Variants in TIAM1 observed in about 807,000 individuals in gnomAD.
TIAM1 encodes rho guanine nucleotide exchange factor TIAM1.
In TIAM1, 65 loss-of-function variants were observed where a neutral mutation model predicts 163.5. The ratio of observed to expected loss-of-function variants is 0.40; its 90% CI spans 0.33 to 0.49. TIAM1 has a LOEUF of 0.49. TIAM1 is among the 20% of genes least tolerant of loss of function. The probability of loss-of-function intolerance (pLI) is 0.77; values close to 1 mark genes in which losing one functional copy is unlikely to be tolerated. For synonymous variants in TIAM1, 833 were observed against 810.1 expected (o/e 1.03, Z -0.48); for missense variants, 1,789 against 2,044.7 (o/e 0.87, Z 2.41).
chr21:31,416,213 C>T (rs1282093657), intron 2 of TIAM1, among the ~76,000 whole-genome samples: 2 of 152,210 alleles, frequency 1.3e-5, no homozygotes, highest in Non-Finnish European at 2.9e-5. Flanking sequence ...GCACCTTCAA[C>T]ACTCCACCAT....
intron 2 of TIAM1, among the ~76,000 whole-genome samples, chr21:31,454,312 G>T (rs2045002902): frequency 6.6e-6 from 1 of 152,154 alleles, no homozygotes; most frequent in African/African-American, 2.4e-5. Flanking sequence ...CAATGAGATT[G>T]GTCTACATGT....
intron 2 of TIAM1, among the ~76,000 whole-genome samples, chr21:31,446,172 C>T (rs2044616345): frequency 6.6e-6 from 1 of 152,192 alleles, no homozygotes; most frequent in African/African-American, 2.4e-5. Flanking sequence ...AACTCCTGAC[C>T]TCAGGTGATC....
At chr21:31,199,587 G>C (rs1196206276) in intron 12 of TIAM1, among the ~76,000 whole-genome samples, 1 of 150,726 alleles carries the variant, frequency 6.6e-6, no homozygotes, top group African/African-American at 2.4e-5. Flanking sequence ...CTGGAGTGCA[G>C]TGGCACGATA....
At chr21:31,268,100 C>A (rs570500465) in intron 3 of TIAM1, among the ~76,000 whole-genome samples, 1 of 152,098 alleles carries the variant, frequency 6.6e-6, no homozygotes, top group South Asian at 2.1e-4. Flanking sequence ...ATGAAAATAG[C>A]TGGAAAGGAA....
intron 1 of TIAM1, among the ~76,000 whole-genome samples, chr21:31,557,292 G>A (rs1013716280): frequency 6.6e-6 from 1 of 152,172 alleles, no homozygotes; most frequent in Admixed American, 6.5e-5. Flanking sequence ...TTGGGGCTGG[G>A]GGAGTGAAGA....
chr21:31,225,997 C>A, intron 6 of TIAM1, 47 bp from the exon 7 acceptor site: 1 of 1,558,524 alleles, frequency 6.4e-7, no homozygotes, highest in Non-Finnish European at 8.8e-7. Flanking sequence ...CTCTTAGGAA[C>A]TTAAGAGAAA....
At chr21:31,283,294 C>A (rs1271672779) in intron 2 of TIAM1, among the ~76,000 whole-genome samples, 51 of 152,164 alleles carry the variant, frequency 3.4e-4, no homozygotes, top group Non-Finnish European at 1.5e-5. Context: ...TCACTTCCTG[C>A]AAAGCTTCCT....
At chr21:31,274,996 C>T (rs1027063519) in intron 3 of TIAM1, among the ~76,000 whole-genome samples, 1 of 151,642 alleles carries the variant, frequency 6.6e-6, no homozygotes, top group African/African-American at 2.4e-5. Context: ...GGCAGGGGTG[C>T]CTGTAATCCC....
chr21:31,278,364 G>A (rs1420624507), intron 2 of TIAM1, among the ~76,000 whole-genome samples: 1 of 152,222 alleles, frequency 6.6e-6, no homozygotes, highest in Non-Finnish European at 1.5e-5. Context: ...GGTTAATGGG[G>A]TTGTTTTATT....
intron 2 of TIAM1, among the ~76,000 whole-genome samples, chr21:31,438,319 G>A (rs1362784420): frequency 1.3e-5 from 2 of 149,064 alleles, no homozygotes; most frequent in Non-Finnish European, 3.0e-5. Flanking sequence ...AGCCTCCCAA[G>A]TAGCTGGGAT....
intron 19 of TIAM1, among the ~76,000 whole-genome samples, chr21:31,148,535 TAC>T (rs2083238909): frequency 6.6e-6 from 1 of 152,168 alleles, no homozygotes; most frequent in Admixed American, 6.5e-5. Flanking sequence ...AATGAACTAA[TAC>T]AGAGTCATAC....
intron 2 of TIAM1, among the ~76,000 whole-genome samples, chr21:31,438,676 TAC>T (rs2044309059): frequency 6.6e-6 from 1 of 152,222 alleles, no homozygotes; most frequent in African/African-American, 2.4e-5. Context: ...TCCCACTTCT[TAC>T]TACCAACTAC....
intron 2 of TIAM1, among the ~76,000 whole-genome samples, chr21:31,427,360 G>A (rs1366002218): frequency 2.0e-5 from 3 of 151,976 alleles, no homozygotes; most frequent in African/African-American, 4.8e-5. Context: ...GGTGGTGGGC[G>A]CCTGTAGTCC....
intron 1 of TIAM1, among the ~76,000 whole-genome samples, chr21:31,466,172 T>A (rs980194412): frequency 6.6e-6 from 1 of 152,146 alleles, no homozygotes; most frequent in Non-Finnish European, 1.5e-5. Context: ...GGTGTCAAGG[T>A]CATTGCAATA....
chr21:31,226,971 T>TG (rs1171007514), intron 6 of TIAM1, among the ~76,000 whole-genome samples: 1 of 146,850 alleles, frequency 6.8e-6, no homozygotes, highest in Non-Finnish European at 1.5e-5. Flanking sequence ...TTTTTTTTTT[T>TG]TTTGAGACAG....
chr21:31,407,629 A>ATTTTTTTT lies in TIAM1; in HGVS notation c.-369+56346_-369+56353dup, dbSNP rs562921160. 3.6e-4 allele frequency among the ~76,000 whole-genome samples: 34 copies of ATTTTTTTT among 94,086 alleles called. 2 individuals are homozygous for ATTTTTTTT. Among genetic ancestry groups the ATTTTTTTT allele is most frequent in the African/African-American group, 1.3e-3 (31 of 24,144 alleles). The allele number at this position is 94,086 out of a possible 152,430, so 61.7% of individuals were successfully genotyped here. ...TTTTCAAATGAGTCATTTGCTCTTAATTTTTTTTTTTTTTTTTTTTTTTTT... is the reference window on the plus strand; with the variant it reads ...TTTTCAAATGAGTCATTTGCTCTTAATTTTTTTTTTTTTTTTTTTTTTTTTTTTTTTTT... On this transcript the variant is annotated intron_variant, in intron 2 of 28. Coordinates refer to the TIAM1 transcript ENST00000286827.
chr21:31,455,780 G>A (rs779430091), intron 2 of TIAM1, among the ~76,000 whole-genome samples: 2 of 152,182 alleles, frequency 1.3e-5, no homozygotes, highest in Non-Finnish European at 2.9e-5. Context: ...AACCAAAATT[G>A]AGGAATCTTC....
chr21:31,260,699 A>AG (rs753316294), intron 4 of TIAM1, among the ~76,000 whole-genome samples: 88 of 123,698 alleles, frequency 7.1e-4, no homozygotes, highest in Non-Finnish European at 4.4e-4. Context: ...TAAAGAGAAA[A>AG]GAAAAAAAAA....
chr21:31,269,179 G>A (rs1269416969), intron 3 of TIAM1, among the ~76,000 whole-genome samples: 21 of 152,212 alleles, frequency 1.4e-4, no homozygotes, highest in Admixed American at 1.4e-3. Context: ...CAAGTTAAAA[G>A]CCTCAGGAGA....
Sources: gnomAD v4.1 joint callset for allele counts (sites outside exome capture counted in the v4.1 genomes callset) on GRCh38, gnomAD v4.1.1 for gene constraint, MANE v1.5 for transcripts, NCBI Gene and HGNC (gene_info 2026-07-23, HGNC 2026-07-21) for gene names.